Variants in TBC1D32 observed in about 807,000 individuals in gnomAD.
TBC1D32 encodes TBC1 domain family member 32.
TBC1D32 carries 151 observed loss-of-function variants against 170.3 expected under a neutral mutation model. That is an observed-to-expected ratio of 0.89 (90% CI 0.78 to 1.01). TBC1D32 has a LOEUF of 1.01. Among genes scored for constraint, TBC1D32 ranks in the 50% least tolerant of loss-of-function variants. The pLI, the probability that TBC1D32 is intolerant of heterozygous loss-of-function variation, is 0.00. For synonymous variants in TBC1D32, 498 were observed against 488.0 expected (o/e 1.02, Z -0.27); for missense variants, 1,464 against 1,457.1 (o/e 1.00, Z -0.08).
chr6:121,293,873 T>A (rs566184876), intron 11 of TBC1D32, among the ~76,000 whole-genome samples: 11 of 152,236 alleles, frequency 7.2e-5, no homozygotes, highest in African/African-American at 2.6e-4. Context: ...ATCATGCCAC[T>A]GCATTCCAGC....
At chr6:121,233,961 T>C (rs781332406) in intron 20 of TBC1D32, among the ~76,000 whole-genome samples, 17 of 152,212 alleles carry the variant, frequency 1.1e-4, no homozygotes, top group Non-Finnish European at 2.2e-4. Flanking sequence ...TATCTTTCTT[T>C]CATTGATGAA....
At chr6:121,202,592 G>T (rs191064906) in intron 22 of TBC1D32, among the ~76,000 whole-genome samples, 1 of 151,372 alleles carries the variant, frequency 6.6e-6, no homozygotes, top group Admixed American at 6.5e-5. Context: ...TTGCTATATA[G>T]ATCAGTGGCT....
chr6:121,287,766 A>G (rs1043889113), intron 12 of TBC1D32, among the ~76,000 whole-genome samples: 10 of 152,214 alleles, frequency 6.6e-5, no homozygotes, highest in Non-Finnish European at 1.3e-4. Context: ...AGTACTCTTC[A>G]GCAAATGTAA....
intron 26 of TBC1D32, among the ~76,000 whole-genome samples, chr6:121,121,288 G>C (rs1266814746): frequency 2.0e-5 from 3 of 151,958 alleles, no homozygotes; most frequent in African/African-American, 7.2e-5. Flanking sequence ...CATCTAGAAG[G>C]AACAACAGGA....
At chr6:121,216,280 T>C (rs567538478) in intron 21 of TBC1D32, among the ~76,000 whole-genome samples, 59 of 152,308 alleles carry the variant, frequency 3.9e-4, no homozygotes, top group African/African-American at 1.4e-3. Flanking sequence ...AGACTCCAAG[T>C]TCTTTAGTTT....
At chr6:121,286,727 A>G (rs543201293) in intron 12 of TBC1D32, among the ~76,000 whole-genome samples, 1 of 152,318 alleles carries the variant, frequency 6.6e-6, no homozygotes, top group South Asian at 2.1e-4. Flanking sequence ...CAAATGAAGG[A>G]AAAAATGTAA....
intron 22 of TBC1D32, among the ~76,000 whole-genome samples, chr6:121,188,359 T>C (rs555109462): frequency 2.0e-5 from 3 of 152,180 alleles, no homozygotes; most frequent in African/African-American, 4.8e-5. Context: ...CCAAGGAAAG[T>C]AAAGTTTTAG....
chr6:121,213,706 T>A (rs1189005928), intron 21 of TBC1D32, among the ~76,000 whole-genome samples: 1 of 152,118 alleles, frequency 6.6e-6, no homozygotes, highest in African/African-American at 2.4e-5. Flanking sequence ...ATCATTACGA[T>A]GGGCATACTG....
At chr6:121,274,956 T>C (rs559122809) in intron 15 of TBC1D32, among the ~76,000 whole-genome samples, 1 of 152,010 alleles carries the variant, frequency 6.6e-6, no homozygotes, top group East Asian at 1.9e-4. Flanking sequence ...ACATTGAAAA[T>C]TGTAGCAACA....
At chr6:121,225,781 G>A (rs1562974486) in intron 20 of TBC1D32, among the ~76,000 whole-genome samples, 1 of 151,914 alleles carries the variant, frequency 6.6e-6, no homozygotes, top group African/African-American at 2.4e-5. Context: ...CTCACACATC[G>A]GGCATTTTAA....
intron 21 of TBC1D32, among the ~76,000 whole-genome samples, chr6:121,214,846 G>T (rs1369952344): frequency 1.3e-5 from 2 of 152,202 alleles, no homozygotes; most frequent in Non-Finnish European, 2.9e-5. Flanking sequence ...CATCCAGGAA[G>T]AATGAGGTAT....
chr6:121,261,642 T>A (rs564335212), intron 15 of TBC1D32, among the ~76,000 whole-genome samples: 1 of 151,872 alleles, frequency 6.6e-6, no homozygotes, highest in Admixed American at 6.6e-5. Flanking sequence ...GCCTCAAAGA[T>A]CCAAAGTGAA....
intron 15 of TBC1D32, among the ~76,000 whole-genome samples, chr6:121,276,556 T>C (rs1802243805): frequency 6.6e-6 from 1 of 152,102 alleles, no homozygotes; most frequent in South Asian, 2.1e-4. Flanking sequence ...TTAACCTAAT[T>C]ATATCAATAA....
chr6:121,188,537 C>T lies in TBC1D32; in HGVS notation c.2570+16538G>A, dbSNP rs577231215. 6.0e-4 allele frequency among the ~76,000 whole-genome samples: 91 copies of T among 151,510 alleles called. 1 individual carries two copies. Among genetic ancestry groups the T allele is most frequent in the Admixed American group, 1.1e-3 (16 of 15,166 alleles). ...AATCTAAGTCCTAAGCTTCTAAATCCCTAAAGATAAGAGATGAAGGCTGAA... is the reference window on the plus strand; with the variant it reads ...AATCTAAGTCCTAAGCTTCTAAATCTCTAAAGATAAGAGATGAAGGCTGAA... On this transcript the variant is annotated intron_variant, in intron 22 of 31. Transcript: ENST00000398212.
intron 20 of TBC1D32, among the ~76,000 whole-genome samples, chr6:121,227,347 T>C (rs765491419): frequency 2.6e-5 from 4 of 152,154 alleles, no homozygotes; most frequent in African/African-American, 4.8e-5. Flanking sequence ...TTCCAATCTG[T>C]ATGCCTTCTA....
intron 27 of TBC1D32, 103 bp downstream of exon 27, chr6:121,115,069 T>C: frequency 3.8e-6 from 3 of 787,702 alleles, no homozygotes; most frequent in African/African-American, 1.8e-5. Flanking sequence ...GCATTTAAAG[T>C]ATACAAAATA....
At chr6:121,206,528 A>C (rs1260578960) in intron 21 of TBC1D32, among the ~76,000 whole-genome samples, 1 of 152,208 alleles carries the variant, frequency 6.6e-6, no homozygotes, top group Non-Finnish European at 1.5e-5. Flanking sequence ...TGTAAAAAGA[A>C]AATAATAGAT....
intron 21 of TBC1D32, among the ~76,000 whole-genome samples, chr6:121,212,988 T>A (rs1793283775): frequency 1.3e-5 from 2 of 152,154 alleles, no homozygotes; most frequent in Admixed American, 1.3e-4. Flanking sequence ...AGGCTTTCAA[T>A]AAACTTCAAC....
intron 21 of TBC1D32, among the ~76,000 whole-genome samples, chr6:121,222,407 C>A (rs1474177824): frequency 1.3e-5 from 2 of 151,818 alleles, no homozygotes; most frequent in Non-Finnish European, 2.9e-5. Context: ...AAAACTTCAA[C>A]GAAAAGAAGA....
Sources: gnomAD v4.1 joint callset for allele counts (sites outside exome capture counted in the v4.1 genomes callset) on GRCh38, gnomAD v4.1.1 for gene constraint, MANE v1.5 for transcripts, NCBI Gene and HGNC (gene_info 2026-07-23, HGNC 2026-07-21) for gene names.